Variants in VGLL4 observed in about 807,000 individuals in gnomAD.
VGLL4 encodes transcription cofactor vestigial-like protein 4.
VGLL4 carries 7 observed loss-of-function variants against 21.0 expected under a neutral mutation model. The observed-to-expected ratio is 0.33, with a 90% CI of 0.19 to 0.63. The LOEUF (loss-of-function observed/expected upper bound fraction) is 0.63, where lower values mean the gene tolerates loss of function less well. VGLL4 is among the 20% of genes least tolerant of loss of function. The pLI is 0.78. For synonymous variants in VGLL4, 222 were observed against 173.2 expected, an observed-to-expected ratio of 1.28 and a Z score of -2.21; for missense variants, 394 against 425.7, an observed-to-expected ratio of 0.93 and a Z score of 0.66.
At chr3:11,643,345 G>A in intron 1 of VGLL4, 92 bp downstream of exon 1, 3 of 1,600,814 alleles carry the variant, frequency 1.9e-6, no homozygotes, top group Non-Finnish European at 1.7e-6. Flanking sequence ...CCCGGAGGAG[G>A]ACAGCGGGCG....
intron 1 of VGLL4, among the ~76,000 whole-genome samples, chr3:11,718,193 A>T (rs2124838291): frequency 1.3e-5 from 2 of 152,360 alleles, no homozygotes; most frequent in South Asian, 4.1e-4. Context: ...TGCCAAAGTT[A>T]AACAACGAAT....
chr3:11,603,814 A>G (rs917766459), intron 1 of VGLL4, among the ~76,000 whole-genome samples: 2 of 152,186 alleles, frequency 1.3e-5, no homozygotes, highest in African/African-American at 2.4e-5. Context: ...GTTGCTATGG[A>G]AAACAACCAC....
At chr3:11,592,477 G>A (rs17776482) in intron 2 of VGLL4, among the ~76,000 whole-genome samples, 20,240 of 152,036 alleles carry the variant, frequency 0.13, 1,789 homozygotes, top group South Asian at 0.23. Context: ...AACTACTAAC[G>A]TCCCGGGGCC....
chr3:11,571,131 G>A lies in VGLL4; in HGVS notation c.273-6112C>T, dbSNP rs535603021. On this transcript the variant is annotated intron_variant, in intron 2 of 4. Coordinates refer to ENST00000430365, the MANE Select transcript of VGLL4 (RefSeq NM_001128219.3). ...GGCAGGAAAAAGCTGGCAAAATACC[G>A]GCATTCGGACTGTCCCAAAGACAGA... Among the ~76,000 whole-genome samples the A allele has an allele frequency of 1.1e-3, 166 of 152,262 alleles. 2 individuals carry two copies. The highest frequency in any genetic ancestry group is 0.01 in the South Asian group (49 of 4,820).
intron 2 of VGLL4, among the ~76,000 whole-genome samples, chr3:11,654,163 A>T (rs2075921989): frequency 6.6e-6 from 1 of 152,130 alleles, no homozygotes. Flanking sequence ...AAATCAAGCA[A>T]ATCATTATTG....
At chr3:11,652,118 C>G (rs148680207) in intron 2 of VGLL4, among the ~76,000 whole-genome samples, 3 of 152,114 alleles carry the variant, frequency 2.0e-5, no homozygotes, top group African/African-American at 7.2e-5. Flanking sequence ...AATACAACAC[C>G]ACCCTCTAGG....
At chr3:11,692,397 G>C (rs1430139561) in intron 2 of VGLL4, among the ~76,000 whole-genome samples, 1 of 152,166 alleles carries the variant, frequency 6.6e-6, no homozygotes. Context: ...GCTTAAATAA[G>C]CACCTAATCC....
chr3:11,582,321 C>T lies in VGLL4; in HGVS notation c.273-17302G>A, dbSNP rs762410615. The T allele has an allele frequency of 3.8e-6, 6 of 1,596,754 alleles. No individual in the cohort carries two copies. The African/African-American group carries it at 4.0e-5, about 11-fold the overall frequency. ...TCATTGCCAAAGAGCATGAAGACAG[C>T]CCAGCGTCCTCCCACAAGAAAGCCT... On this transcript the variant is annotated intron_variant, in intron 2 of 4. Transcript: ENST00000430365.
intron 2 of VGLL4, among the ~76,000 whole-genome samples, chr3:11,576,274 C>G (rs1015730780): frequency 4.6e-5 from 7 of 152,192 alleles, no homozygotes; most frequent in Non-Finnish European, 8.8e-5. Context: ...ACAGGCAAAA[C>G]AGATGTGTCC....
chr3:11,676,822 T>C (rs1286236673), intron 2 of VGLL4, among the ~76,000 whole-genome samples: 1 of 152,182 alleles, frequency 6.6e-6, no homozygotes, highest in Admixed American at 6.5e-5. Context: ...GGGTAACGGA[T>C]TAATAAGTAA....
intron 2 of VGLL4, among the ~76,000 whole-genome samples, chr3:11,682,437 G>A (rs932666337): frequency 4.0e-5 from 6 of 150,736 alleles, no homozygotes; most frequent in Non-Finnish European, 8.8e-5. Context: ...AAATAGGCAG[G>A]TGTGGTGGTG....
rs542180928 is a variant in VGLL4 at position 11,574,400 on chromosome 3, A to G, written c.273-9381T>C. On this transcript the variant is annotated intron_variant, in intron 2 of 4. Coordinates refer to ENST00000430365, the MANE Select transcript of VGLL4 (RefSeq NM_001128219.3). ...TCCTGAGGCACTGCACGAGCACCGC[A>G]CAATGACAGTCCAAACAGAGACCAG... is the stretch of plus-strand genomic sequence containing the variant. 6.6e-5 allele frequency among the ~76,000 whole-genome samples: 10 copies of G among 152,328 alleles called. No individual in the cohort carries two copies. The East Asian group carries it at 1.9e-3, about 29-fold the overall frequency.
At chr3:11,598,168 C>T (rs956150726) in intron 2 of VGLL4, among the ~76,000 whole-genome samples, 4 of 152,022 alleles carry the variant, frequency 2.6e-5, no homozygotes, top group Admixed American at 6.6e-5. Context: ...GGACTACAGG[C>T]GCACACCACC....
chr3:11,672,204 G>A (rs1220812883), intron 2 of VGLL4, among the ~76,000 whole-genome samples: 1 of 152,148 alleles, frequency 6.6e-6, no homozygotes, highest in Non-Finnish European at 1.5e-5. Context: ...GAGTCCCTTT[G>A]CAAAGCAAAA....
rs184879410 is a variant in VGLL4, at chr3:11,565,415, G to A, written c.273-396C>T. On this transcript the variant is annotated intron_variant, in intron 2 of 4. Coordinates refer to ENST00000430365, the MANE Select transcript of VGLL4 (RefSeq NM_001128219.3). This position sits in a 1 kb window ranked among gnomAD's most constrained non-coding sequence, Gnocchi z 4.1. Reference sequence around the variant, plus strand: ...ACAACGATCCAGAGTCACTGGCTGCGTCCTACATGCAGGGCCCTATTCAAA... The same window carrying A: ...ACAACGATCCAGAGTCACTGGCTGCATCCTACATGCAGGGCCCTATTCAAA... Among the ~76,000 whole-genome samples the A allele has an allele frequency of 2.2e-3, 342 of 152,246 alleles. 1 individual carries two copies. Among genetic ancestry groups the A allele is most frequent in the African/African-American group, 7.8e-3 (322 of 41,544 alleles).
At chr3:11,709,739 C>T (rs1379234528) in intron 1 of VGLL4, among the ~76,000 whole-genome samples, 1 of 152,078 alleles carries the variant, frequency 6.6e-6, no homozygotes, top group Non-Finnish European at 1.5e-5. Flanking sequence ...GCTACAAAAA[C>T]TTAGGGGCAC....
chr3:11,612,316 T>C (rs2075078115), intron 1 of VGLL4: 1 of 147,164 alleles, frequency 6.8e-6, no homozygotes, highest in Non-Finnish European at 1.5e-5. Flanking sequence ...AACTGAACTG[T>C]ATCTTGATAG....
chr3:11,644,845 C>T (rs905360769), upstream of VGLL4, among the ~76,000 whole-genome samples: 1 of 71,220 alleles, frequency 1.4e-5, no homozygotes. Context: ...GACTTTGTCT[C>T]AAAAAAAAAA....
chr3:11,564,930 A>C lies in VGLL4; in HGVS notation c.362T>G (p.Leu121Arg), dbSNP rs141837390. ...GGAGGTGTACAGGTGGCTGCCGTGC[A>C]GGCTCATGGTGGGGGCCACAGCGCG... ...IERAVAPTMS[L>R]HGSHLYTSLP... The change falls in exon 3 of 5, where the codon CTG becomes CGG. Residue 121 changes from leucine (L) to arginine (R), a missense_variant. Coordinates refer to ENST00000430365, the MANE Select transcript of VGLL4 (RefSeq NM_001128219.3). 24 of 1,588,576 alleles carry C rather than the reference A, an allele frequency of 1.5e-5. No individual in the cohort carries two copies. The highest frequency in any genetic ancestry group is 2.1e-5 in the Non-Finnish European group (24 of 1,167,600).
Sources: allele counts gnomAD v4.1 joint callset (sites outside exome capture counted in the v4.1 genomes callset), GRCh38; gene constraint gnomAD v4.1.1; non-coding constraint Gnocchi (gnomAD v3.1); transcripts MANE v1.5; gene names NCBI Gene and HGNC (gene_info 2026-07-23, HGNC 2026-07-21).